Variants in SPAM1 observed in about 807,000 individuals in gnomAD.
The protein encoded by SPAM1 is sperm adhesion molecule 1, also known as hyaluronidase PH-20.
SPAM1 carries 22 observed loss-of-function variants against 29.6 expected under a neutral mutation model. That is an observed-to-expected ratio of 0.74 (90% CI 0.53 to 1.06). The LOEUF (loss-of-function observed/expected upper bound fraction) is 1.06, where lower values mean the gene tolerates loss of function less well. Among genes scored for constraint, SPAM1 ranks in the 50% least tolerant of loss-of-function variants. SPAM1 has a pLI of 0.00. For missense variants in SPAM1, 534 were observed against 604.0 expected, an observed-to-expected ratio of 0.88 and a Z score of 1.21; for synonymous variants, 194 against 204.6, an observed-to-expected ratio of 0.95 and a Z score of 0.44.
Position 123,960,000 on chromosome 7 carries a change from T to A in SPAM1, c.*31T>A. 6.4e-7 allele frequency: 1 copy of A among 1,568,482 alleles called. No homozygotes were observed. Among genetic ancestry groups the A allele is most frequent in the South Asian group, 1.2e-5 (1 of 82,738 alleles). ...CAGGTTAGCTGAAATGAACAATATG[T>A]CCATCTTAAAGTGTGCTTTTTCGAC... On this transcript the variant is annotated 3_prime_UTR_variant, in exon 5 of 5. Transcript: ENST00000682466.
At chr7:123,950,668 G>GAAC (rs1808730402) in intron 2 of SPAM1, among the ~76,000 whole-genome samples, 1 of 152,050 alleles carries the variant, frequency 6.6e-6, no homozygotes, top group African/African-American at 2.4e-5. Context: ...CACCAATGAG[G>GAAC]AACACTTAGG....
At chr7:123,958,126 G>A (rs963516880) in intron 4 of SPAM1, among the ~76,000 whole-genome samples, 3 of 151,892 alleles carry the variant, frequency 2.0e-5, no homozygotes, top group African/African-American at 7.3e-5. Context: ...CAGTTATTCT[G>A]CCAACAATAG....
intron 1 of SPAM1, among the ~76,000 whole-genome samples, chr7:123,929,234 C>G (rs1807991625): frequency 6.6e-6 from 1 of 152,068 alleles, no homozygotes; most frequent in African/African-American, 2.4e-5. Context: ...AACCTTAGAC[C>G]AATTCACCTT....
At chr7:123,961,300 G>A (rs576007625), downstream of SPAM1, among the ~76,000 whole-genome samples, 15 of 151,720 alleles carry the variant, frequency 9.9e-5, no homozygotes, top group South Asian at 1.2e-3. Context: ...CCATTATCTG[G>A]CCTCTCCCTA....
chr7:123,955,584 G>T (rs1019475788), intron 4 of SPAM1, among the ~76,000 whole-genome samples: 4 of 151,964 alleles, frequency 2.6e-5, no homozygotes, highest in Non-Finnish European at 4.4e-5. Flanking sequence ...TGAAGCTCAT[G>T]GCCCAAGGGT....
At chr7:123,964,698 G>A (rs1490144426), downstream of SPAM1, among the ~76,000 whole-genome samples, 4 of 151,794 alleles carry the variant, frequency 2.6e-5, no homozygotes, top group Admixed American at 2.6e-4. Flanking sequence ...CACCACATGC[G>A]GCACTACTAG....
intron 1 of SPAM1, among the ~76,000 whole-genome samples, chr7:123,932,875 G>T (rs1223875154): frequency 2.0e-5 from 3 of 152,086 alleles, no homozygotes; most frequent in Non-Finnish European, 2.9e-5. Flanking sequence ...GGTAACCTCT[G>T]GAGTGCGCAG....
chr7:123,954,601 A>G, intron 3 of SPAM1, 77 bp downstream of exon 3: 2 of 1,013,152 alleles, frequency 2.0e-6, no homozygotes. Context: ...TTATTTTTGA[A>G]GGGAGTGAAA....
intron 1 of SPAM1, among the ~76,000 whole-genome samples, chr7:123,937,228 G>A (rs1192763569): frequency 1.3e-5 from 2 of 152,072 alleles, no homozygotes; most frequent in Non-Finnish European, 1.5e-5. Flanking sequence ...AAATTCAAAT[G>A]AGCCATAATA....
At chr7:123,938,867 G>A (rs886839689) in intron 1 of SPAM1, among the ~76,000 whole-genome samples, 3 of 152,044 alleles carry the variant, frequency 2.0e-5, no homozygotes, top group Non-Finnish European at 2.9e-5. Flanking sequence ...GCCTAACTTG[G>A]TACTGAGCCC....
chr7:123,927,394 A>G (rs547776749), intron 1 of SPAM1, among the ~76,000 whole-genome samples: 48 of 152,306 alleles, frequency 3.2e-4, no homozygotes, highest in Non-Finnish European at 6.0e-4. Flanking sequence ...GAGCTAGGAA[A>G]TGAACTCTGA....
At chr7:123,931,281 C>T (rs930730630) in intron 1 of SPAM1, among the ~76,000 whole-genome samples, 15 of 152,104 alleles carry the variant, frequency 9.9e-5, no homozygotes, top group Admixed American at 4.6e-4. Flanking sequence ...ACCAGAACCC[C>T]TTTTTTCCAA....
chr7:123,934,832 A>G (rs565986831), intron 1 of SPAM1, among the ~76,000 whole-genome samples: 10 of 152,248 alleles, frequency 6.6e-5, no homozygotes, highest in African/African-American at 2.2e-4. Context: ...AGAAGCTGGG[A>G]AGAGGAGGGA....
At chr7:123,961,631 G>T (rs1792360418), downstream of SPAM1, among the ~76,000 whole-genome samples, 1 of 151,870 alleles carries the variant, frequency 6.6e-6, no homozygotes, top group African/African-American at 2.4e-5. Context: ...AATAAACACG[G>T]GATGCAGATA....
At chr7:123,962,561 A>G (rs1242190406), downstream of SPAM1, among the ~76,000 whole-genome samples, 1 of 151,712 alleles carries the variant, frequency 6.6e-6, no homozygotes, top group Non-Finnish European at 1.5e-5. Flanking sequence ...CTGTACTTTC[A>G]TAGTTTTACC....
intron 2 of SPAM1, among the ~76,000 whole-genome samples, chr7:123,950,417 A>G (rs1808721786): frequency 6.6e-6 from 1 of 151,962 alleles, no homozygotes; most frequent in Non-Finnish European, 1.5e-5. Flanking sequence ...TCCCCCTCCC[A>G]ACCTGCTCCC....
chr7:123,943,610 TTATTA>T (rs1419850515), intron 1 of SPAM1, among the ~76,000 whole-genome samples: 3 of 152,188 alleles, frequency 2.0e-5, no homozygotes, highest in Admixed American at 1.3e-4. Flanking sequence ...CTGTATGATT[TTATTA>T]TATCAAATAA....
chr7:123,969,317 T>C (rs1315750186), intron 5 of SPAM1, among the ~76,000 whole-genome samples: 3 of 152,058 alleles, frequency 2.0e-5, no homozygotes, highest in African/African-American at 7.2e-5. Context: ...CTATTTTTGG[T>C]TTTGTTGCTT....
intron 6 of SPAM1, among the ~76,000 whole-genome samples, chr7:123,970,749 T>C (rs1792487577): frequency 6.6e-6 from 1 of 151,888 alleles, no homozygotes; most frequent in African/African-American, 2.4e-5. Context: ...CTTAGATGAA[T>C]CCAGTATATG....
Sources: allele counts gnomAD v4.1 joint callset (sites outside exome capture counted in the v4.1 genomes callset), GRCh38; gene constraint gnomAD v4.1.1; transcripts MANE v1.5; gene names NCBI Gene and HGNC (gene_info 2026-07-23, HGNC 2026-07-21).